RAP1GDS1: variants seen among roughly 807,000 people sequenced by gnomAD.
RAP1GDS1 encodes Rap1 GTPase-GDP dissociation stimulator 1.
In RAP1GDS1, 35 loss-of-function variants were observed where a neutral mutation model predicts 71.1. That is an observed-to-expected ratio of 0.49 (90% CI 0.38 to 0.65). RAP1GDS1 has a LOEUF of 0.65. Ranked by LOEUF, RAP1GDS1 falls within the 30% of genes least tolerant of loss-of-function variation. The pLI, the probability that RAP1GDS1 is intolerant of heterozygous loss-of-function variation, is 0.00. For synonymous variants in RAP1GDS1, 229 were observed against 243.1 expected (o/e 0.94, Z 0.54); for missense variants, 663 against 706.1 (o/e 0.94, Z 0.69).
chr4:98,343,086 C>T, intron 2 of RAP1GDS1, 53 bp from the exon 3 acceptor site: 1 of 1,504,490 alleles, frequency 6.6e-7, no homozygotes, highest in Non-Finnish European at 8.9e-7. Flanking sequence ...TAATGGTTGT[C>T]AGTGTTAGCA....
At chr4:98,411,457 AAATT>A (rs1747052783) in intron 7 of RAP1GDS1, among the ~76,000 whole-genome samples, 1 of 152,192 alleles carries the variant, frequency 6.6e-6, no homozygotes, top group Non-Finnish European at 1.5e-5. Flanking sequence ...TCAAAAAAAA[AAATT>A]AATTAAAATT....
intron 1 of RAP1GDS1, among the ~76,000 whole-genome samples, chr4:98,269,064 C>T (rs1165744657): frequency 6.7e-6 from 1 of 149,904 alleles, no homozygotes; most frequent in Non-Finnish European, 1.5e-5. Context: ...TGTTACAAAG[C>T]TGTAGTGATC....
At chr4:98,290,214 C>T (rs1162630209) in intron 1 of RAP1GDS1, among the ~76,000 whole-genome samples, 1 of 151,946 alleles carries the variant, frequency 6.6e-6, no homozygotes, top group Non-Finnish European at 1.5e-5. Flanking sequence ...GTTTTAGATC[C>T]AATAACCTTG....
chr4:98,294,316 A>G (rs1727407635), intron 2 of RAP1GDS1, among the ~76,000 whole-genome samples: 1 of 152,086 alleles, frequency 6.6e-6, no homozygotes, highest in Admixed American at 6.6e-5. Flanking sequence ...TATATTGTTA[A>G]GGTTTTAATT....
At chr4:98,365,367 C>G (rs1235875803) in intron 4 of RAP1GDS1, among the ~76,000 whole-genome samples, 2 of 152,092 alleles carry the variant, frequency 1.3e-5, no homozygotes, top group Non-Finnish European at 2.9e-5. Flanking sequence ...GTAATCCCAG[C>G]ACTTTGGGAG....
At chr4:98,287,620 T>C (rs1726231044) in intron 1 of RAP1GDS1, among the ~76,000 whole-genome samples, 1 of 152,200 alleles carries the variant, frequency 6.6e-6, no homozygotes, top group East Asian at 1.9e-4. Context: ...AAGTTAGGTG[T>C]GTAACATTTA....
chr4:98,376,384 A>T (rs898918751), intron 4 of RAP1GDS1, among the ~76,000 whole-genome samples: 4 of 152,054 alleles, frequency 2.6e-5, no homozygotes, highest in African/African-American at 9.7e-5. Flanking sequence ...ATAATGTAAC[A>T]TGAAGGTATA....
chr4:98,282,478 T>C (rs1725270777), intron 1 of RAP1GDS1, among the ~76,000 whole-genome samples: 1 of 152,144 alleles, frequency 6.6e-6, no homozygotes, highest in Admixed American at 6.5e-5. Flanking sequence ...TTTTTTAATG[T>C]GTCTATTTGA....
chr4:98,264,093 C>T lies in RAP1GDS1; in HGVS notation c.4+2524C>T, dbSNP rs185596708. Reference sequence around the variant, plus strand: ...GAGGGAGAAGTGCTTTTTAATTTGTCTCAAGAAATAAATAAGGTTGATTTT... The same window carrying T: ...GAGGGAGAAGTGCTTTTTAATTTGTTTCAAGAAATAAATAAGGTTGATTTT... On this transcript the variant is annotated intron_variant, in intron 1 of 14. Transcript: ENST00000408927. Among the ~76,000 whole-genome samples the T allele has an allele frequency of 3.8e-3, 579 of 152,218 alleles. 6 individuals are homozygous for T. Among genetic ancestry groups the T allele is most frequent in the African/African-American group, 0.013 (553 of 41,524 alleles).
At chr4:98,267,479 G>T (rs948844527) in intron 1 of RAP1GDS1, among the ~76,000 whole-genome samples, 1 of 152,052 alleles carries the variant, frequency 6.6e-6, no homozygotes, top group African/African-American at 2.4e-5. Context: ...TAGTTTTTCA[G>T]CCCTTGCCTC....
chr4:98,320,503 C>T (rs1036173440), intron 2 of RAP1GDS1, among the ~76,000 whole-genome samples: 22 of 151,390 alleles, frequency 1.5e-4, no homozygotes, highest in Admixed American at 3.9e-4. Flanking sequence ...ACGCAGAAGA[C>T]GGGTGATTTC....
chr4:98,411,601 T>G (rs1174946145), intron 7 of RAP1GDS1, among the ~76,000 whole-genome samples: 1 of 152,246 alleles, frequency 6.6e-6, no homozygotes, highest in African/African-American at 2.4e-5. Flanking sequence ...TTCAGTCAAT[T>G]TTAGGCCATA....
chr4:98,309,829 T>G (rs1729943802), intron 2 of RAP1GDS1, among the ~76,000 whole-genome samples: 1 of 151,838 alleles, frequency 6.6e-6, no homozygotes, highest in Admixed American at 6.6e-5. Flanking sequence ...ATGTGAATAT[T>G]TCATGTTTTT....
intron 2 of RAP1GDS1, among the ~76,000 whole-genome samples, chr4:98,323,877 C>T (rs1233806591): frequency 1.4e-5 from 2 of 144,036 alleles, no homozygotes; most frequent in African/African-American, 5.1e-5. Flanking sequence ...CAGGGATGCC[C>T]TCTCTCACCA....
chr4:98,384,484 A>T (rs1264250026), intron 5 of RAP1GDS1, among the ~76,000 whole-genome samples: 1 of 151,738 alleles, frequency 6.6e-6, no homozygotes, highest in African/African-American at 2.4e-5. Context: ...TTTTAAACAA[A>T]TTGTTTCACT....
intron 4 of RAP1GDS1, among the ~76,000 whole-genome samples, chr4:98,353,907 A>G (rs1349810820): frequency 6.6e-6 from 1 of 152,170 alleles, no homozygotes; most frequent in Non-Finnish European, 1.5e-5. Context: ...TTATATATTT[A>G]TATGATTAAT....
chr4:98,261,642 T>C, intron 1 of RAP1GDS1, 73 bp downstream of exon 1: 2 of 1,522,706 alleles, frequency 1.3e-6, no homozygotes, highest in South Asian at 1.2e-5. Flanking sequence ...GTGGGAAGCA[T>C]TTCTCGCGCA....
At chr4:98,404,970 CT>C (rs1205103737) in intron 7 of RAP1GDS1, among the ~76,000 whole-genome samples, 7 of 152,158 alleles carry the variant, frequency 4.6e-5, no homozygotes, top group Admixed American at 1.3e-4. Context: ...TAATCACTCC[CT>C]TCTTTGGGCA....
intron 9 of RAP1GDS1, 137 bp from the exon 10 acceptor site, chr4:98,418,520 G>T (rs1748331936): frequency 1.2e-6 from 1 of 838,754 alleles, no homozygotes; most frequent in Non-Finnish European, 1.6e-6. Context: ...CTATAAATCT[G>T]ATGGGAGAAA....
Sources: allele counts gnomAD v4.1 joint callset (sites outside exome capture counted in the v4.1 genomes callset), GRCh38; gene constraint gnomAD v4.1.1; transcripts MANE v1.5; gene names NCBI Gene and HGNC (gene_info 2026-07-23, HGNC 2026-07-21).